SLC8A1: variants seen among roughly 807,000 people sequenced by gnomAD.
SLC8A1 encodes the protein sodium/calcium exchanger 1.
SLC8A1 carries 18 observed loss-of-function variants against 68.3 expected under a neutral mutation model. The observed-to-expected ratio is 0.26, with a 90% CI of 0.18 to 0.39. The LOEUF (loss-of-function observed/expected upper bound fraction) is 0.39, where lower values mean the gene tolerates loss of function less well. SLC8A1 is among the 10% of genes least tolerant of loss of function. SLC8A1 has a pLI of 1.00. For missense variants in SLC8A1, 985 were observed against 1,156.7 expected (o/e 0.85, Z 2.15); for synonymous variants, 475 against 415.5 (o/e 1.14, Z -1.74).
chr2:40,314,507 G>GA (rs1402801875), intron 2 of SLC8A1, among the ~76,000 whole-genome samples: 1 of 151,158 alleles, frequency 6.6e-6, no homozygotes, highest in Non-Finnish European at 1.5e-5. Flanking sequence ...ATGAACTTTA[G>GA]AAAAAGCTTG....
At chr2:40,209,160 G>T (rs1328333634) in intron 2 of SLC8A1, 1 of 152,110 alleles carries the variant, frequency 6.6e-6, no homozygotes, top group Non-Finnish European at 1.5e-5. Context: ...GAAAGCTAGG[G>T]AGATGAGGAG....
At chr2:40,117,097 G>A (rs575184119) in intron 7 of SLC8A1, 1 of 152,290 alleles carries the variant, frequency 6.6e-6, no homozygotes, top group South Asian at 2.1e-4. Flanking sequence ...AAAGTAGTAG[G>A]AGAGGCTGTT....
intron 2 of SLC8A1, among the ~76,000 whole-genome samples, chr2:40,186,480 C>A (rs536066965): frequency 3.0e-4 from 46 of 152,062 alleles, no homozygotes; most frequent in Admixed American, 6.6e-4. Flanking sequence ...GTGACCCAAA[C>A]CAACTCCTCC....
intron 2 of SLC8A1, among the ~76,000 whole-genome samples, chr2:40,187,499 G>A (rs1558670997): frequency 6.6e-6 from 1 of 152,154 alleles, no homozygotes; most frequent in Non-Finnish European, 1.5e-5. Flanking sequence ...GGAGACCAAG[G>A]GAGCTTTAGA....
At chr2:40,103,516 C>G (rs547949981) in exon 8 of SLC8A1, 1 of 152,248 alleles carries the variant, frequency 6.6e-6, no homozygotes, top group South Asian at 2.1e-4. Context: ...CTGGTCATTG[C>G]ACATCCTGTT....
At position 40,377,867 on chromosome 2, in the gene SLC8A1, G is replaced by A. The variant is rs182648824; in HGVS notation, c.1808+50606C>T. 3.1e-3 allele frequency among the ~76,000 whole-genome samples: 466 copies of A among 152,238 alleles called. 1 individual carries two copies. The highest frequency in any genetic ancestry group is 6.8e-3 in the Middle Eastern group (2 of 294). On this transcript the variant is annotated intron_variant, in intron 2 of 7. Transcript: ENST00000406785. Reference sequence around the variant, plus strand: ...GGCCATTCAGTTGCAGAATAAGACTGAAATCTTGTGTCCTATGGTCATCAA... The same window carrying A: ...GGCCATTCAGTTGCAGAATAAGACTAAAATCTTGTGTCCTATGGTCATCAA...
At chr2:40,438,590 A>G (rs2149817550) in intron 1 of SLC8A1, among the ~76,000 whole-genome samples, 1 of 152,310 alleles carries the variant, frequency 6.6e-6, no homozygotes, top group South Asian at 2.1e-4. Context: ...AATACTAGGA[A>G]GAATTGACAA....
intron 2 of SLC8A1, among the ~76,000 whole-genome samples, chr2:40,257,080 T>C (rs941028930): frequency 6.6e-5 from 10 of 152,142 alleles, no homozygotes; most frequent in Non-Finnish European, 1.3e-4. Flanking sequence ...AATATACATA[T>C]CTGTGTATTT....
chr2:40,465,103 C>A (rs1282850219), intron 1 of SLC8A1, among the ~76,000 whole-genome samples: 3 of 152,088 alleles, frequency 2.0e-5, no homozygotes, highest in Non-Finnish European at 2.9e-5. Context: ...AGGGTTGTAC[C>A]ACTCCCTCGG....
exon 8 of SLC8A1, chr2:40,104,159 A>T (rs1391214429): frequency 6.6e-6 from 1 of 152,214 alleles, no homozygotes; most frequent in Non-Finnish European, 1.5e-5. Flanking sequence ...GTCCTCAGAG[A>T]TGAAGAGTGA....
chr2:40,111,292 T>C (rs1207342717), exon 8 of SLC8A1: 1 of 152,148 alleles, frequency 6.6e-6, no homozygotes, highest in Admixed American at 6.5e-5. Context: ...GTCAAGGAGC[T>C]CTGGTCATTG....
At chr2:40,383,546 T>TAG (rs1200793035) in intron 2 of SLC8A1, among the ~76,000 whole-genome samples, 2 of 152,080 alleles carry the variant, frequency 1.3e-5, no homozygotes, top group African/African-American at 4.8e-5. Context: ...AAATTATCTC[T>TAG]TTCTAGATTT....
intron 2 of SLC8A1, among the ~76,000 whole-genome samples, chr2:40,364,347 AGTTTGTGTGTGT>A (rs1326003163): frequency 1.3e-5 from 2 of 151,394 alleles, no homozygotes; most frequent in African/African-American, 2.4e-5. Context: ...AATCACTACG[AGTTTGTGTGTGT>A]GTTTGTGTGT....
chr2:40,139,525 G>A (rs1459415242), exon 7 of SLC8A1: 2 of 1,614,150 alleles, frequency 1.2e-6, no homozygotes, highest in South Asian at 2.2e-5. Context: ...TCATGAGGAT[G>A]GAGACAATGA....
chr2:40,279,149 T>A (rs185924189), intron 2 of SLC8A1, among the ~76,000 whole-genome samples: 1 of 152,318 alleles, frequency 6.6e-6, no homozygotes, highest in Non-Finnish European at 1.5e-5. Flanking sequence ...ACAGCTGTTG[T>A]CTCTTTGTGC....
chr2:40,299,391 C>A (rs558634240), intron 2 of SLC8A1, among the ~76,000 whole-genome samples: 19 of 152,280 alleles, frequency 1.2e-4, no homozygotes, highest in African/African-American at 4.6e-4. Context: ...TCAGACTCTC[C>A]TCCTTTCTTG....
chr2:40,214,781 T>G (rs540678554), intron 2 of SLC8A1, among the ~76,000 whole-genome samples: 1 of 152,278 alleles, frequency 6.6e-6, no homozygotes, highest in African/African-American at 2.4e-5. Flanking sequence ...GGATCAGTAT[T>G]TTTTTGAGAA....
chr2:40,148,909 G>A (rs1028739182), intron 6 of SLC8A1, among the ~76,000 whole-genome samples: 1 of 152,164 alleles, frequency 6.6e-6, no homozygotes, highest in African/African-American at 2.4e-5. Context: ...TAAGGTGGGT[G>A]CTGACAATCT....
chr2:40,191,862 T>C (rs546786725), intron 2 of SLC8A1, among the ~76,000 whole-genome samples: 1 of 152,188 alleles, frequency 6.6e-6, no homozygotes, highest in Non-Finnish European at 1.5e-5. Context: ...CATAATCTTA[T>C]AGGGAAACGT....
Sources: allele counts gnomAD v4.1 joint callset (sites outside exome capture counted in the v4.1 genomes callset), GRCh38; gene constraint gnomAD v4.1.1; transcripts MANE v1.5; gene names NCBI Gene and HGNC (gene_info 2026-07-23, HGNC 2026-07-21).